The following PTPRK variants were observed in gnomAD, a reference collection of about 807,000 sequenced individuals.
PTPRK encodes receptor-type tyrosine-protein phosphatase kappa.
In PTPRK, 75 loss-of-function variants were observed where a neutral mutation model predicts 178.0. The ratio of observed to expected loss-of-function variants is 0.42; its 90% CI spans 0.35 to 0.51. The LOEUF (loss-of-function observed/expected upper bound fraction) is 0.51. Ranked by LOEUF, PTPRK falls within the 20% of genes least tolerant of loss-of-function variation. PTPRK has a pLI of 0.02. For missense variants in PTPRK, 1,441 were observed against 1,797.8 expected (o/e 0.80, Z 3.59); for synonymous variants, 637 against 620.6 (o/e 1.03, Z -0.39).
At chr6:128,406,389 A>T (rs1166625293) in intron 1 of PTPRK, among the ~76,000 whole-genome samples, 1 of 152,162 alleles carries the variant, frequency 6.6e-6, no homozygotes, top group East Asian at 1.9e-4. Context: ...GGGTTTTTCA[A>T]ACTTCTTAAA....
At chr6:128,332,780 T>C (rs1378315654) in intron 2 of PTPRK, among the ~76,000 whole-genome samples, 2 of 152,126 alleles carry the variant, frequency 1.3e-5, no homozygotes, top group Non-Finnish European at 2.9e-5. Context: ...ATCCTTCCTA[T>C]TCCTCTATAA....
At chr6:128,111,517 A>T (rs1194088738) in intron 7 of PTPRK, among the ~76,000 whole-genome samples, 1 of 152,192 alleles carries the variant, frequency 6.6e-6, no homozygotes, top group East Asian at 1.9e-4. Flanking sequence ...TGACAGTAAA[A>T]ATTGCTATTT....
chr6:128,257,835 T>C (rs1817580320), intron 3 of PTPRK, among the ~76,000 whole-genome samples: 1 of 152,140 alleles, frequency 6.6e-6, no homozygotes, highest in Non-Finnish European at 1.5e-5. Flanking sequence ...TTTTCAAAGA[T>C]AGGTGTGATG....
intron 13 of PTPRK, among the ~76,000 whole-genome samples, chr6:128,049,110 A>G (rs1778569212): frequency 6.6e-6 from 1 of 152,216 alleles, no homozygotes; most frequent in Non-Finnish European, 1.5e-5. Context: ...TACTATGTTC[A>G]AATAAATTTA....
At chr6:128,518,945 A>C in intron 1 of PTPRK, 2 of 467,612 alleles carry the variant, frequency 4.3e-6, no homozygotes, top group East Asian at 1.4e-4. Flanking sequence ...CAACAATTTG[A>C]GTTTATTTCC....
intron 3 of PTPRK, among the ~76,000 whole-genome samples, chr6:128,263,056 T>C (rs985548620): frequency 1.3e-5 from 2 of 151,988 alleles, no homozygotes; most frequent in South Asian, 4.1e-4. Flanking sequence ...TGAGCTTCCT[T>C]GCCTCCACAA....
chr6:128,476,238 A>C (rs528473333), intron 1 of PTPRK, among the ~76,000 whole-genome samples: 2 of 151,990 alleles, frequency 1.3e-5, no homozygotes, highest in African/African-American at 4.8e-5. Flanking sequence ...GACCCTCAAC[A>C]ATATCTTGGG....
intron 13 of PTPRK, among the ~76,000 whole-genome samples, chr6:128,022,339 G>A (rs183920404): frequency 1.3e-5 from 2 of 152,166 alleles, no homozygotes; most frequent in East Asian, 3.9e-4. Context: ...GGGGACAGAG[G>A]GGTGCTTGTT....
At chr6:128,218,102 A>T (rs922319860) in intron 6 of PTPRK, among the ~76,000 whole-genome samples, 9 of 152,026 alleles carry the variant, frequency 5.9e-5, no homozygotes, top group African/African-American at 2.2e-4. Flanking sequence ...ATCAATTTCC[A>T]TCGTTTTGTG....
At chr6:128,101,622 T>C (rs1302944146) in intron 7 of PTPRK, among the ~76,000 whole-genome samples, 1 of 152,164 alleles carries the variant, frequency 6.6e-6, no homozygotes, top group African/African-American at 2.4e-5. Flanking sequence ...TCTAATTACA[T>C]AACCTGTTCA....
At chr6:128,280,636 T>C (rs139678129) in intron 3 of PTPRK, among the ~76,000 whole-genome samples, 31 of 152,258 alleles carry the variant, frequency 2.0e-4, no homozygotes, top group African/African-American at 7.0e-4. Flanking sequence ...AGAAAAAGTA[T>C]GGAATCATTA....
intron 7 of PTPRK, among the ~76,000 whole-genome samples, chr6:128,177,725 T>C (rs1801284887): frequency 6.6e-6 from 1 of 151,784 alleles, no homozygotes; most frequent in Non-Finnish European, 1.5e-5. Flanking sequence ...CAAGGCTATT[T>C]CATATTTGTT....
At chr6:128,312,080 T>G (rs1429450212) in intron 3 of PTPRK, among the ~76,000 whole-genome samples, 1 of 152,222 alleles carries the variant, frequency 6.6e-6, no homozygotes, top group East Asian at 1.9e-4. Flanking sequence ...GAGTATGATC[T>G]AATTAATGCT....
At chr6:128,124,746 T>C (rs1793058075) in intron 7 of PTPRK, among the ~76,000 whole-genome samples, 1 of 152,210 alleles carries the variant, frequency 6.6e-6, no homozygotes. Flanking sequence ...GGGTAGGCCT[T>C]ATCCAATCAG....
chr6:128,217,694 G>A (rs1024403854), intron 6 of PTPRK, among the ~76,000 whole-genome samples: 6 of 151,916 alleles, frequency 3.9e-5, no homozygotes, highest in African/African-American at 1.5e-4. Context: ...CGTAGGCCTC[G>A]GCATGTGCTG....
intron 1 of PTPRK, among the ~76,000 whole-genome samples, chr6:128,465,794 C>G (rs1849771730): frequency 6.6e-6 from 1 of 152,092 alleles, no homozygotes; most frequent in African/African-American, 2.4e-5. Flanking sequence ...TATCATAACT[C>G]AGTAAATACT....
intron 13 of PTPRK, among the ~76,000 whole-genome samples, chr6:128,046,787 G>A (rs952415644): frequency 4.6e-5 from 7 of 152,120 alleles, no homozygotes; most frequent in African/African-American, 4.8e-5. Flanking sequence ...AGTTGTTCAA[G>A]TTCACCAGTG....
chr6:128,075,300 T>C (rs992658769), intron 11 of PTPRK, among the ~76,000 whole-genome samples: 1 of 152,158 alleles, frequency 6.6e-6, no homozygotes, highest in African/African-American at 2.4e-5. Context: ...CTGCCCATGG[T>C]AACTTCTGCT....
At chr6:128,134,412 C>T (rs900684287) in intron 7 of PTPRK, among the ~76,000 whole-genome samples, 2 of 152,118 alleles carry the variant, frequency 1.3e-5, no homozygotes, top group Admixed American at 1.3e-4. Flanking sequence ...TTTATAGTCA[C>T]CTGTGATAGT....
Sources: gnomAD v4.1 joint callset for allele counts (sites outside exome capture counted in the v4.1 genomes callset) on GRCh38, gnomAD v4.1.1 for gene constraint, MANE v1.5 for transcripts, NCBI Gene and HGNC (gene_info 2026-07-23, HGNC 2026-07-21) for gene names.